Variants in KLHDC4 observed in about 807,000 individuals in gnomAD.
KLHDC4 encodes kelch domain-containing protein 4.
Under a neutral mutation model 62.4 loss-of-function variants are expected in KLHDC4, and 90 were observed. The ratio of observed to expected loss-of-function variants is 1.44; its 90% CI spans 1.22 to 1.72. KLHDC4 has a LOEUF of 1.72. Among genes scored for constraint, KLHDC4 ranks in the 40% most tolerant of loss-of-function variants. The pLI is 0.00. For synonymous variants in KLHDC4, 386 were observed against 284.4 expected, an observed-to-expected ratio of 1.36 and a Z score of -3.59; for missense variants, 1,025 against 699.7, an observed-to-expected ratio of 1.47 and a Z score of -5.25.
At chr16:87,754,098 C>T (rs1482678968) in intron 4 of KLHDC4, among the ~76,000 whole-genome samples, 1 of 146,802 alleles carries the variant, frequency 6.8e-6, no homozygotes, top group Non-Finnish European at 1.5e-5. Context: ...TGATATAATG[C>T]CACTGCACTC....
At chr16:87,763,139 TAC>T (rs374827751) in intron 1 of KLHDC4, among the ~76,000 whole-genome samples, 95 of 152,334 alleles carry the variant, frequency 6.2e-4, no homozygotes, top group African/African-American at 2.1e-3. Context: ...CATTCCTGTA[TAC>T]GGTTCCCAGG....
At chr16:87,764,708 C>G (rs2046364596) in intron 1 of KLHDC4, among the ~76,000 whole-genome samples, 1 of 136,798 alleles carries the variant, frequency 7.3e-6, no homozygotes, top group Non-Finnish European at 1.6e-5. Context: ...TTACTGAGTG[C>G]TTACTTTCTG....
At chr16:87,700,873 T>TTGGAGGGCGGAGGGAGGAAGC (rs2034114654) in exon 1 of KLHDC4, 3 of 225,310 alleles carry the variant, frequency 1.3e-5, no homozygotes, top group Admixed American at 6.7e-5. Flanking sequence ...AGGGAGGAGG[T>TTGGAGGGCGGAGGGAGGAAGC]TGGAGGGCGG....
rs1394230802 is a variant in KLHDC4, at chr16:87,743,442, T to TA, written c.506+5230dup. Among the ~76,000 whole-genome samples, 9 of 151,930 alleles carry TA rather than the reference T, an allele frequency of 5.9e-5. No individual in the cohort carries two copies. In the East Asian group the frequency reaches 1.2e-3, roughly 20 times the overall value. On this transcript the variant is annotated intron_variant, in intron 5 of 11. Coordinates refer to ENST00000270583, the MANE Select transcript of KLHDC4 (RefSeq NM_017566.4). Reference sequence around the variant, plus strand: ...GGCCATTTTAAACTTGACTGAATATTAAAAAAAATAAACCTGGCCAGGCGC... The same window carrying TA: ...GGCCATTTTAAACTTGACTGAATATTAAAAAAAAATAAACCTGGCCAGGCGC...
chr16:87,758,680 T>A (rs1030547134), intron 2 of KLHDC4, among the ~76,000 whole-genome samples: 23 of 151,828 alleles, frequency 1.5e-4, no homozygotes, highest in African/African-American at 5.1e-4. Context: ...TGATGAGCTT[T>A]AAAAAAAAAT....
At position 87,756,596 on chromosome 16, in the gene KLHDC4, G is replaced by A. The variant is rs1212628666; in HGVS notation, c.192-119C>T. ...CTGGCTGCCTCTACACTTCCTGAAAGGAGAGCCTGGCATCGAGAAAGGAAG... is the reference window on the plus strand; with the variant it reads ...CTGGCTGCCTCTACACTTCCTGAAAAGAGAGCCTGGCATCGAGAAAGGAAG... On this transcript the variant is annotated intron_variant, in intron 2 of 11. Transcript: ENST00000270583. 4 of 700,214 alleles carry A rather than the reference G, an allele frequency of 5.7e-6. No individual in the cohort carries two copies. The East Asian group carries it at 1.1e-4, about 19-fold the overall frequency. 43.4% of individuals were successfully genotyped at this position (700,214 alleles called of 1,614,324 possible).
At chr16:87,698,503 G>C (rs2303768) in exon 1 of KLHDC4, 24,213 of 152,260 alleles carry the variant, frequency 0.16, 2,258 homozygotes, top group African/African-American at 0.25. Flanking sequence ...GACATGCACA[G>C]AGGCAGGTGT....
chr16:87,713,609 GGTCT>G (rs2036323953), intron 8 of KLHDC4, among the ~76,000 whole-genome samples: 1 of 152,028 alleles, frequency 6.6e-6, no homozygotes, highest in African/African-American at 2.4e-5. Context: ...CCGCTTCAGA[GGTCT>G]GTGAGAACTG....
At chr16:87,728,684 T>G (rs184877515) in intron 6 of KLHDC4, among the ~76,000 whole-genome samples, 1 of 152,146 alleles carries the variant, frequency 6.6e-6, no homozygotes, top group South Asian at 2.1e-4. Context: ...AAATAAATTT[T>G]AAGAATGAAC....
downstream of KLHDC4, among the ~76,000 whole-genome samples, chr16:87,703,758 T>A (rs1449168389): frequency 2.0e-5 from 3 of 152,202 alleles, no homozygotes; most frequent in African/African-American, 7.2e-5. Flanking sequence ...ACCTGCACTG[T>A]GGCCCTTGGC....
intron 1 of KLHDC4, 69 bp downstream of exon 1, chr16:87,765,723 G>A: frequency 5.6e-6 from 8 of 1,436,230 alleles, no homozygotes; most frequent in East Asian, 2.5e-5. Flanking sequence ...AACCCCGGGG[G>A]GCGCAGGGAG....
chr16:87,714,983 CT>C (rs1243319008), intron 7 of KLHDC4, among the ~76,000 whole-genome samples: 6 of 152,234 alleles, frequency 3.9e-5, no homozygotes, highest in African/African-American at 1.2e-4. Flanking sequence ...AATCAAGTTA[CT>C]ACTGTGTGCA....
At chr16:87,715,322 G>A (rs368302252) in intron 7 of KLHDC4, among the ~76,000 whole-genome samples, 10 of 152,200 alleles carry the variant, frequency 6.6e-5, no homozygotes, top group East Asian at 5.8e-4. Context: ...CGATAGTACC[G>A]AGAGCTCTCA....
chr16:87,707,390 G>T (rs192940241), downstream of KLHDC4, among the ~76,000 whole-genome samples: 807 of 152,336 alleles, frequency 5.3e-3, 4 homozygotes, highest in African/African-American at 0.018. Flanking sequence ...TCCCACCACA[G>T]CCTCCCAGAG....
chr16:87,705,766 GGAGCCGCA>G (rs1480736132), downstream of KLHDC4, among the ~76,000 whole-genome samples: 2 of 152,254 alleles, frequency 1.3e-5, no homozygotes, highest in Non-Finnish European at 2.9e-5. Flanking sequence ...GACAAGGGCT[GGAGCCGCA>G]GAGCCGGGCA....
In KLHDC4 at chr16:87,711,385, G is replaced by C. The variant is rs1282440786; in HGVS notation, c.894C>G (p.Gly298=). Residue 298 remains glycine (G), a synonymous_variant, in exon 9 of 12, where the codon GGC becomes GGG. Coordinates refer to ENST00000270583, the MANE Select transcript of KLHDC4 (RefSeq NM_017566.4). Reference sequence around the variant, plus strand: ...GATTCGGGGCCATGGCCACGGAAAAGCCAGACCGTGGGGTGGGCTTGACCC... The same window carrying C: ...GATTCGGGGCCATGGCCACGGAAAACCCAGACCGTGGGGTGGGCTTGACCC... ...PSGVKPTPRS[G]FSVAMAPNHQ... 1 of 1,613,694 alleles carries C rather than the reference G, an allele frequency of 6.2e-7. No homozygotes were observed. Among genetic ancestry groups the C allele is most frequent in the African/African-American group, 1.3e-5 (1 of 75,054 alleles).
chr16:87,708,503 CA>C, intron 10 of KLHDC4, 37 bp from the exon 11 acceptor site: 10 of 1,495,682 alleles, frequency 6.7e-6, no homozygotes, highest in Non-Finnish European at 9.1e-6. Context: ...CACGTCAGCG[CA>C]GCTGAGGCAG....
intron 6 of KLHDC4, among the ~76,000 whole-genome samples, chr16:87,730,245 T>C (rs542951808): frequency 5.9e-5 from 9 of 152,380 alleles, no homozygotes; most frequent in Non-Finnish European, 8.8e-5. Flanking sequence ...TGAGGCACCA[T>C]GCCCAGCCAA....
chr16:87,698,498 GCA>G (rs1368700434), exon 1 of KLHDC4: 4 of 152,368 alleles, frequency 2.6e-5, no homozygotes, highest in South Asian at 2.1e-4. Flanking sequence ...CATGAGACAT[GCA>G]CAGAGGCAGG....
Sources: gnomAD v4.1 joint callset for allele counts (sites outside exome capture counted in the v4.1 genomes callset) on GRCh38, gnomAD v4.1.1 for gene constraint, MANE v1.5 for transcripts, NCBI Gene and HGNC (gene_info 2026-07-23, HGNC 2026-07-21) for gene names.